Variants in DCAF4 observed in about 807,000 individuals in gnomAD.
DCAF4 encodes the protein DDB1 and CUL4 associated factor 4, also known as DDB1- and CUL4-associated factor 4.
In DCAF4, 37 loss-of-function variants were observed where a neutral mutation model predicts 60.9. That is an observed-to-expected ratio of 0.61 (90% CI 0.47 to 0.80). The LOEUF (loss-of-function observed/expected upper bound fraction) is 0.80. Ranked by LOEUF, DCAF4 falls within the 30% of genes least tolerant of loss-of-function variation. The pLI, the probability that DCAF4 is intolerant of heterozygous loss-of-function variation, is 0.00. For missense variants in DCAF4, 577 were observed against 650.0 expected (o/e 0.89, Z 1.22); for synonymous variants, 243 against 254.8 (o/e 0.95, Z 0.44).
chr14:72,955,638 C>T lies in DCAF4; in HGVS notation c.1121C>T (p.Thr374Ile). ...ATRLFHDSAV[T>I]SVRILQDEQY... is the part of the protein sequence containing the mutation. Reference sequence around the variant, plus strand: ...CGCCTGTTTCATGATTCAGCAGTGACCTCTGTGCGGATCCTCCAAGATGAG... The same window carrying T: ...CGCCTGTTTCATGATTCAGCAGTGATCTCTGTGCGGATCCTCCAAGATGAG... Residue 374 changes from threonine to isoleucine, a missense_variant, in exon 12 of 14, where the codon ACC (threonine) becomes ATC (isoleucine). Physicochemically the swap from Thr to Ile is moderately conservative, Grantham distance 89. Coordinates refer to ENST00000358377, the MANE Select transcript of DCAF4 (RefSeq NM_015604.4). 1 of 1,614,128 alleles carries T rather than the reference C, an allele frequency of 6.2e-7. No individual in the cohort carries two copies. The highest frequency in any genetic ancestry group is 8.5e-7 in the Non-Finnish European group (1 of 1,180,014).
chr14:72,936,724 G>A (rs1397335625), intron 1 of DCAF4, among the ~76,000 whole-genome samples: 3 of 152,148 alleles, frequency 2.0e-5, no homozygotes, highest in Admixed American at 1.3e-4. Flanking sequence ...ACACGAAGCA[G>A]CATAGGAACT....
intron 1 of DCAF4, among the ~76,000 whole-genome samples, chr14:72,931,984 CCTT>C (rs201738354): frequency 9.6e-5 from 13 of 135,864 alleles, no homozygotes; most frequent in African/African-American, 2.9e-4. Flanking sequence ...CTATATTTTT[CCTT>C]CTTTTTTTTT....
rs144445116 is a variant in DCAF4 at position 72,958,555 on chromosome 14, G to A, written c.1295-57G>A. The A allele has an allele frequency of 4.4e-5, 71 of 1,601,976 alleles. 1 individual carries two copies. The Middle Eastern group carries it at 6.6e-4, about 15-fold the overall frequency. On this transcript the variant is annotated intron_variant, in intron 13 of 13. Transcript: ENST00000358377. ...CTTGGGAAGCCATGTCCACATGTAGGTAAGTTTTCCTTTGCATTCTCTCAC... is the reference window on the plus strand; with the variant it reads ...CTTGGGAAGCCATGTCCACATGTAGATAAGTTTTCCTTTGCATTCTCTCAC...
At chr14:72,935,270 T>G (rs1889107737) in intron 1 of DCAF4, 1 of 151,990 alleles carries the variant, frequency 6.6e-6, no homozygotes, top group African/African-American at 2.4e-5. Flanking sequence ...GATTTTTTTT[T>G]TTGAGACGGA....
At chr14:72,955,204 T>C (rs567794541) in intron 11 of DCAF4, among the ~76,000 whole-genome samples, 1 of 151,878 alleles carries the variant, frequency 6.6e-6, no homozygotes, top group African/African-American at 2.4e-5. Flanking sequence ...CCCACTAACC[T>C]GCTTTTGGTG....
intron 1 of DCAF4, among the ~76,000 whole-genome samples, chr14:72,933,293 G>T (rs1429355833): frequency 6.6e-6 from 1 of 152,152 alleles, no homozygotes; most frequent in African/African-American, 2.4e-5. Context: ...GTCTCTAATG[G>T]CCAGGTGCGG....
intron 8 of DCAF4, among the ~76,000 whole-genome samples, chr14:72,949,561 C>T (rs1297471944): frequency 6.6e-6 from 1 of 152,100 alleles, no homozygotes; most frequent in Non-Finnish European, 1.5e-5. Context: ...TCAAGACCAG[C>T]CTGGCCAACA....
chr14:72,935,471 T>G (rs901728154), intron 1 of DCAF4, among the ~76,000 whole-genome samples: 5 of 152,214 alleles, frequency 3.3e-5, no homozygotes, highest in African/African-American at 1.2e-4. Flanking sequence ...GCCAGGCTGA[T>G]CTCAAACTCC....
rs553639951 is a variant in DCAF4 at position 72,943,182 on chromosome 14, G to A, written c.534+86G>A. 14 of 1,271,196 alleles carry A rather than the reference G, an allele frequency of 1.1e-5. No individual in the cohort carries two copies. The African/African-American group carries it at 1.8e-4, about 16-fold the overall frequency. 78.7% of individuals were successfully genotyped at this position (1,271,196 alleles called of 1,614,324 possible). A position where few individuals can be genotyped will look rare whatever the true frequency, so the allele number is the denominator to read the frequency against. On this transcript the variant is annotated intron_variant, in intron 6 of 13. Transcript: ENST00000358377. ...TTAGCGTTGCCAGTCATCAAACCTG[G>A]CTCTGGAGAAGCCAACTGCAATGAA...
intron 5 of DCAF4, chr14:72,942,126 C>A (rs1890122892): frequency 6.0e-6 from 2 of 333,728 alleles, no homozygotes; most frequent in South Asian, 1.5e-4. Context: ...CCTACAACTT[C>A]ATTCCCATGA....
At chr14:72,956,114 G>C (rs898126903) in intron 12 of DCAF4, among the ~76,000 whole-genome samples, 5 of 151,856 alleles carry the variant, frequency 3.3e-5, no homozygotes, top group African/African-American at 1.2e-4. Context: ...GTAGAGATGG[G>C]GTTTCACCAT....
chr14:72,945,722 G>A (rs1305267901), intron 6 of DCAF4, among the ~76,000 whole-genome samples, 162 bp from the exon 7 acceptor site: 1 of 152,214 alleles, frequency 6.6e-6, no homozygotes, highest in Non-Finnish European at 1.5e-5. Flanking sequence ...GCTGCACTAA[G>A]TTGGGGAAAG....
intron 1 of DCAF4, among the ~76,000 whole-genome samples, chr14:72,931,808 A>G (rs1444358144): frequency 6.6e-6 from 1 of 152,128 alleles, no homozygotes; most frequent in Non-Finnish European, 1.5e-5. Flanking sequence ...TTCCCCATCT[A>G]TTAGTATGGT....
chr14:72,938,916 A>G (rs1233856818), intron 2 of DCAF4, among the ~76,000 whole-genome samples: 1 of 151,910 alleles, frequency 6.6e-6, no homozygotes, highest in Admixed American at 6.6e-5. Context: ...TTATTTATTT[A>G]AGAGATGAGG....
At chr14:72,927,387 T>C (rs1348593419) in intron 1 of DCAF4, among the ~76,000 whole-genome samples, 2 of 131,382 alleles carry the variant, frequency 1.5e-5, no homozygotes, top group Non-Finnish European at 3.1e-5. Context: ...GGAGTCTCGC[T>C]GTCGCCCAGG....
rs760694836 is a variant in DCAF4 at position 72,955,697 on chromosome 14, GTAGGGGA to G, written c.1179+3_1179+9del. On this transcript the variant is annotated splice_donor_variant and splice_donor_5th_base_variant and intron_variant, in intron 12 of 13. Coordinates refer to ENST00000358377, the MANE Select transcript of DCAF4 (RefSeq NM_015604.4). LOFTEE classifies it high-confidence loss of function. The stretch of plus-strand genomic sequence containing the variant: ...GATGGCTTCAGACATGGCTGGAAAG[GTAGGGGA>G]TCATGGACTTTCTCAGGCCACAGGG... The G allele has an allele frequency of 2.5e-6, 4 of 1,612,160 alleles. No homozygotes were observed. In the African/African-American group the frequency reaches 5.3e-5, roughly 22 times the overall value.
At chr14:72,951,971 G>T (rs1390269133) in intron 9 of DCAF4, 94 bp downstream of exon 9, 14 of 1,339,974 alleles carry the variant, frequency 1.0e-5, no homozygotes, top group Non-Finnish European at 1.4e-5. Flanking sequence ...CGCTGCAGAG[G>T]CACTGTGGGA....
rs150471266 is a variant in DCAF4 at position 72,956,451 on chromosome 14, C to T, written c.1245C>T (p.Tyr415=). 6.2e-6 allele frequency: 10 copies of T among 1,613,436 alleles called. No individual in the cohort carries two copies. The highest frequency in any genetic ancestry group is 4.0e-5 in the African/African-American group (3 of 74,904). The change falls in exon 13 of 14, where the codon TAC becomes TAT. Residue 415 remains tyrosine (Y), a synonymous_variant. Transcript: ENST00000358377. ...VRQYEGHVNE[Y]AYLPLHVHEE... ...AGTACGAAGGCCACGTGAATGAGTA[C>T]GCCTACCTGCCCCTGCATGTGCACG...
chr14:72,953,732 A>AAAAATATAT (rs1555527852), intron 9 of DCAF4, among the ~76,000 whole-genome samples: 4 of 21,764 alleles, frequency 1.8e-4, no homozygotes, highest in Admixed American at 8.0e-4. Flanking sequence ...AAAAAAAAAA[A>AAAAATATAT]ATATATATAT....
Sources: allele counts gnomAD v4.1 joint callset (sites outside exome capture counted in the v4.1 genomes callset), GRCh38; gene constraint gnomAD v4.1.1; transcripts MANE v1.5; gene names NCBI Gene and HGNC (gene_info 2026-07-23, HGNC 2026-07-21).